Variants in TMEM232 observed in about 807,000 individuals in gnomAD.
TMEM232 encodes the protein transmembrane protein 232.
A neutral mutation model predicts 78.8 loss-of-function variants in TMEM232; 80 were observed. That is an observed-to-expected ratio of 1.01 (90% confidence interval 0.85 to 1.22). TMEM232 has a LOEUF of 1.22. Ranked by LOEUF, TMEM232 falls within the 50% of genes most tolerant of loss-of-function variation. The pLI is 0.00. For synonymous variants in TMEM232, 297 were observed against 254.3 expected (o/e 1.17, Z -1.60); for missense variants, 881 against 742.2 (o/e 1.19, Z -2.17).
chr5:110,738,340 AT>A, upstream of TMEM232: 1 of 911,622 alleles, frequency 1.1e-6, no homozygotes, highest in Non-Finnish European at 1.4e-6. Context: ...ACCCTGAGTG[AT>A]TTAGACACAT....
intron 12 of TMEM232, among the ~76,000 whole-genome samples, chr5:110,507,968 C>T (rs1269143038): frequency 1.3e-5 from 2 of 152,148 alleles, no homozygotes; most frequent in Non-Finnish European, 2.9e-5. Context: ...TGCTTGATAT[C>T]TGTATGCTAA....
chr5:110,440,713 T>C (rs1205088354), intron 12 of TMEM232, among the ~76,000 whole-genome samples: 1 of 152,174 alleles, frequency 6.6e-6, no homozygotes, highest in East Asian at 1.9e-4. Flanking sequence ...TTTATAATTC[T>C]ATAGTGGATG....
chr5:110,473,307 A>T (rs1762878904), intron 12 of TMEM232, among the ~76,000 whole-genome samples: 1 of 151,870 alleles, frequency 6.6e-6, no homozygotes, highest in East Asian at 1.9e-4. Context: ...AAGACATACA[A>T]ATGCCCAAAA....
At chr5:110,546,170 A>G (rs1018368852) in intron 11 of TMEM232, among the ~76,000 whole-genome samples, 10 of 152,206 alleles carry the variant, frequency 6.6e-5, no homozygotes, top group African/African-American at 2.4e-4. Flanking sequence ...ATGAACAAAT[A>G]TAATAAGAGT....
chr5:110,560,905 T>C (rs141281597), intron 11 of TMEM232, among the ~76,000 whole-genome samples: 1 of 152,266 alleles, frequency 6.6e-6, no homozygotes, highest in African/African-American at 2.4e-5. Flanking sequence ...ATCCCAACTT[T>C]AATCATCCAT....
chr5:110,441,173 G>A (rs2112756145), intron 12 of TMEM232, among the ~76,000 whole-genome samples: 1 of 152,186 alleles, frequency 6.6e-6, no homozygotes, highest in East Asian at 1.9e-4. Flanking sequence ...ATACTGCTTT[G>A]CTGTGGGGGT....
At position 110,481,846 on chromosome 5, in the gene TMEM232, T is replaced by TA. The variant is rs1763899481; in HGVS notation, c.1703+46741dup. Among the ~76,000 whole-genome samples, 4 of 152,174 alleles carry TA rather than the reference T, an allele frequency of 2.6e-5. No individual in the cohort carries two copies. The South Asian group carries it at 8.3e-4, about 32-fold the overall frequency. ...AACCAGTAAGTATAAGAACACAGGC[T>TA]AAAAAACTAAGGCTGTTCCCTGGGA... On this transcript the variant is annotated intron_variant, in intron 12 of 13. Transcript: ENST00000455884.
chr5:110,426,849 A>G (rs1408892520), intron 12 of TMEM232, among the ~76,000 whole-genome samples: 1 of 152,074 alleles, frequency 6.6e-6, no homozygotes, highest in Non-Finnish European at 1.5e-5. Flanking sequence ...ATTGTGCCAA[A>G]TGCTATAAAA....
chr5:110,516,535 C>T (rs545278693), intron 12 of TMEM232, among the ~76,000 whole-genome samples: 2 of 152,130 alleles, frequency 1.3e-5, no homozygotes, highest in East Asian at 3.9e-4. Flanking sequence ...TGAAGTAGAA[C>T]TATTACATAC....
At chr5:110,632,924 C>T (rs1197667444) in intron 5 of TMEM232, among the ~76,000 whole-genome samples, 1 of 152,070 alleles carries the variant, frequency 6.6e-6, no homozygotes, top group Non-Finnish European at 1.5e-5. Flanking sequence ...AAATACTTTT[C>T]CATGGTACAT....
rs999580705 is a variant in TMEM232, at chr5:110,594,180, G to A, written c.1276+10929C>T. ...GCAAGCAGAAGCATGGTGGGGCATT[G>A]CCTCACCCGGGAAGAGCAATGGGCT... On this transcript the variant is annotated intron_variant, in intron 10 of 13. Transcript: ENST00000455884. Among the ~76,000 whole-genome samples, 3 of 151,852 alleles carry A rather than the reference G, an allele frequency of 2.0e-5. No individual in the cohort carries two copies. The East Asian group carries it at 5.9e-4, about 30-fold the overall frequency.
intron 10 of TMEM232, among the ~76,000 whole-genome samples, chr5:110,601,561 T>A (rs1251811386): frequency 2.6e-5 from 4 of 151,554 alleles, no homozygotes; most frequent in Admixed American, 2.6e-4. Flanking sequence ...ACAAAGAAAA[T>A]AAAATACCTA....
intron 11 of TMEM232, among the ~76,000 whole-genome samples, chr5:110,532,116 G>C (rs1771585067): frequency 6.6e-6 from 1 of 152,064 alleles, no homozygotes; most frequent in Admixed American, 6.6e-5. Context: ...CTTGCTACAA[G>C]TGCCAAAAAT....
Position 110,620,589 on chromosome 5 carries a change from C to A in TMEM232, c.769-2027G>T, listed in dbSNP as rs887812443. 7.7e-3 allele frequency among the ~76,000 whole-genome samples: 367 copies of A among 47,864 alleles called. 7 individuals are homozygous for A. Among genetic ancestry groups the A allele is most frequent in the African/African-American group, 0.03 (318 of 10,602 alleles). 31.4% of individuals were successfully genotyped at this position (47,864 alleles called of 152,430 possible). On this transcript the variant is annotated intron_variant, in intron 7 of 13. Transcript: ENST00000455884. ...GTATGTCTCTCATATCTCTCTCTCT[C>A]TCTCTCTCTCTCTCTCTCTCTCTCT...
chr5:110,395,398 GCC>G (rs1561453261), intron 3 of TMEM232, among the ~76,000 whole-genome samples: 48 of 152,142 alleles, frequency 3.2e-4, no homozygotes, highest in African/African-American at 1.0e-3. Flanking sequence ...TCTCCTTTCA[GCC>G]CACAGTTGAC....
intron 12 of TMEM232, among the ~76,000 whole-genome samples, chr5:110,440,693 A>G (rs1273030842): frequency 6.6e-6 from 1 of 152,158 alleles, no homozygotes; most frequent in Admixed American, 6.6e-5. Flanking sequence ...TATTTGAAGA[A>G]CTAGGCATAT....
chr5:110,504,838 C>G (rs1341770658), intron 12 of TMEM232, among the ~76,000 whole-genome samples: 1 of 152,220 alleles, frequency 6.6e-6, no homozygotes, highest in South Asian at 2.1e-4. Flanking sequence ...CTCTCACAGA[C>G]ACACCCATAG....
At chr5:110,503,220 G>A (rs181070796) in intron 12 of TMEM232, among the ~76,000 whole-genome samples, 19 of 152,318 alleles carry the variant, frequency 1.2e-4, no homozygotes, top group Non-Finnish European at 2.1e-4. Context: ...TGTGAAAACA[G>A]TGGAAGTAGT....
chr5:110,587,660 T>C (rs1199302489), intron 10 of TMEM232, among the ~76,000 whole-genome samples: 2 of 105,030 alleles, frequency 1.9e-5, no homozygotes, highest in Non-Finnish European at 3.5e-5. Flanking sequence ...TGGGTACATG[T>C]ATGTATATAT....
Sources: allele counts gnomAD v4.1 joint callset (sites outside exome capture counted in the v4.1 genomes callset), GRCh38; gene constraint gnomAD v4.1.1; transcripts MANE v1.5; gene names NCBI Gene and HGNC (gene_info 2026-07-23, HGNC 2026-07-21).